The following EEF1E1 variants were observed in gnomAD, a reference collection of about 807,000 sequenced individuals.
The protein encoded by EEF1E1 is eukaryotic translation elongation factor 1 epsilon 1.
EEF1E1 carries 19 observed loss-of-function variants against 19.9 expected under a neutral mutation model. The ratio of observed to expected loss-of-function variants is 0.95; its 90% CI spans 0.66 to 1.40. The LOEUF is 1.40. Among genes scored for constraint, EEF1E1 ranks in the 40% most tolerant of loss-of-function variants. The pLI is 0.00. For missense variants in EEF1E1, 198 were observed against 202.2 expected, an observed-to-expected ratio of 0.98 and a Z score of 0.13; for synonymous variants, 81 against 80.0, an observed-to-expected ratio of 1.01 and a Z score of -0.07.
At position 8,102,418 on chromosome 6, in the gene EEF1E1, C is replaced by T. The variant is rs1195827260; in HGVS notation, c.87+17G>A. The stretch of plus-strand genomic sequence containing the variant: ...TCCCGTCCACCTCTTCCCCTCCGCG[C>T]CGCCTCTCCTTCTCACCTGTCGCTC... On this transcript the variant is annotated intron_variant, in intron 1 of 3. Coordinates refer to ENST00000379715, the MANE Select transcript of EEF1E1 (RefSeq NM_004280.5). 1 of 1,607,200 alleles carries T rather than the reference C, an allele frequency of 6.2e-7. No homozygotes were observed. The highest frequency in any genetic ancestry group is 2.3e-5 in the East Asian group (1 of 44,366).
At chr6:8,078,781 A>G (rs1198943141), downstream of EEF1E1, 10 of 1,268,174 alleles carry the variant, frequency 7.9e-6, no homozygotes, top group Non-Finnish European at 1.0e-5. Context: ...GATTGCCAAG[A>G]GCTACATACT....
At chr6:8,091,939 TA>T (rs1758021887) in intron 2 of EEF1E1, among the ~76,000 whole-genome samples, 1 of 152,210 alleles carries the variant, frequency 6.6e-6, no homozygotes, top group African/African-American at 2.4e-5. Context: ...GGGTGGCATG[TA>T]AACAAAAGAG....
chr6:8,081,520 C>T (rs144397028), intron 3 of EEF1E1, among the ~76,000 whole-genome samples: 1,589 of 152,254 alleles, frequency 0.01, 32 homozygotes, highest in African/African-American at 0.036. Flanking sequence ...TCATAGGCAG[C>T]ACTTAATCTG....
intron 1 of EEF1E1, among the ~76,000 whole-genome samples, chr6:8,099,751 A>ACACAC (rs1758274473): frequency 1.6e-4 from 15 of 92,930 alleles, no homozygotes; most frequent in Non-Finnish European, 2.4e-4. Context: ...CCGCCTCAAA[A>ACACAC]ACACACACAC....
chr6:8,099,697 A>G (rs1354438544), intron 1 of EEF1E1, among the ~76,000 whole-genome samples: 1 of 150,496 alleles, frequency 6.6e-6, no homozygotes, highest in Non-Finnish European at 1.5e-5. Context: ...CAGTGAGCCG[A>G]GATCGCACCA....
Position 8,094,736 on chromosome 6 carries a change from A to T in EEF1E1, c.288+2531T>A, listed in dbSNP as rs79681087. ...ATTGCACAGGTCCACTTAAACACAA[A>T]TTTTCTTCTACCTCTGTCACCCAAG... On this transcript the variant is annotated intron_variant, in intron 2 of 3. Coordinates refer to ENST00000379715, the MANE Select transcript of EEF1E1 (RefSeq NM_004280.5). Among the ~76,000 whole-genome samples the T allele has an allele frequency of 5.1e-4, 78 of 152,062 alleles. 1 individual carries two copies. The East Asian group carries it at 0.013, about 26-fold the overall frequency.
At chr6:8,075,533 C>A (rs1327542393), downstream of EEF1E1, among the ~76,000 whole-genome samples, 1 of 152,128 alleles carries the variant, frequency 6.6e-6, no homozygotes, top group Non-Finnish European at 1.5e-5. Context: ...ATGTCTAAAA[C>A]CACAATGTAT....
Position 8,097,470 on chromosome 6 carries a change from T to A in EEF1E1, c.88-3A>T. 1 of 1,604,686 alleles carries A rather than the reference T, an allele frequency of 6.2e-7. No individual in the cohort carries two copies. Among genetic ancestry groups the A allele is most frequent in the Admixed American group, 1.7e-5 (1 of 57,876 alleles). On this transcript the variant is annotated splice_polypyrimidine_tract_variant and splice_region_variant and intron_variant, in intron 1 of 3. Coordinates refer to ENST00000379715, the MANE Select transcript of EEF1E1 (RefSeq NM_004280.5). ...TTGTTTGTCTGAAGAACTGGAATCT[T>A]AAAAAGAAAAAAAAGTTCACAGAAT...
intron 1 of EEF1E1, chr6:8,101,840 C>T (rs1239179189): frequency 7.8e-7 from 1 of 1,288,922 alleles, no homozygotes; most frequent in Admixed American, 2.3e-5. Context: ...ACGCCTTCCC[C>T]GAATCCCCTA....
chr6:8,101,259 T>A (rs374567191), intron 1 of EEF1E1, among the ~76,000 whole-genome samples: 15,978 of 71,614 alleles, frequency 0.22, 3,413 homozygotes, highest in African/African-American at 0.26. Flanking sequence ...TATATATATA[T>A]ATATATATAT....
rs1401450070 is a variant in EEF1E1 at position 8,092,868 on chromosome 6, GC to G, written c.289-2588del. 7.4e-3 allele frequency among the ~76,000 whole-genome samples: 795 copies of G among 108,084 alleles called. 44 individuals carry two copies. The highest frequency in any genetic ancestry group is 0.018 in the African/African-American group (492 of 26,680). 70.9% of individuals were successfully genotyped at this position (108,084 alleles called of 152,430 possible). A position where few individuals can be genotyped will look rare whatever the true frequency, so the allele number is the denominator to read the frequency against. On this transcript the variant is annotated intron_variant, in intron 2 of 3. Transcript: ENST00000379715. The stretch of plus-strand genomic sequence containing the variant: ...GTTTTGTGTTTTAGTGATAAAGACT[GC>G]TTTTTTTTTTTTTTTTTTTTTTTGA...
At chr6:8,094,701 G>A (rs1435731759) in intron 2 of EEF1E1, among the ~76,000 whole-genome samples, 2 of 152,142 alleles carry the variant, frequency 1.3e-5, no homozygotes, top group East Asian at 3.9e-4. Flanking sequence ...CTTGAACAAC[G>A]CAGGTTGGAA....
intron 1 of EEF1E1, among the ~76,000 whole-genome samples, chr6:8,100,760 T>C (rs546394505): frequency 6.6e-6 from 1 of 151,942 alleles, no homozygotes; most frequent in African/African-American, 2.4e-5. Flanking sequence ...AAATCTGCTT[T>C]TCTTTACGTA....
chr6:8,090,113 A>T, intron 3 of EEF1E1, 73 bp downstream of exon 3: 1 of 1,293,908 alleles, frequency 7.7e-7, no homozygotes, highest in Non-Finnish European at 1.1e-6. Context: ...AATCTGATTT[A>T]AATTCAAGAC....
chr6:8,076,591 G>T (rs2113630051), downstream of EEF1E1, among the ~76,000 whole-genome samples: 1 of 152,244 alleles, frequency 6.6e-6, no homozygotes, highest in East Asian at 1.9e-4. Context: ...CCAAAGTGCT[G>T]GGATTACAGG....
At chr6:8,085,759 GCCAAGGCCAT>G (rs1757837365) in intron 3 of EEF1E1, among the ~76,000 whole-genome samples, 1 of 152,128 alleles carries the variant, frequency 6.6e-6, no homozygotes, top group African/African-American at 2.4e-5. Flanking sequence ...CCCTTAGACA[GCCAAGGCCAT>G]CCAAATCTTC....
At chr6:8,081,342 T>C (rs571151253) in intron 3 of EEF1E1, among the ~76,000 whole-genome samples, 1 of 152,334 alleles carries the variant, frequency 6.6e-6, no homozygotes, top group East Asian at 1.9e-4. Flanking sequence ...AGTCAGTCCA[T>C]GGCACAGAGA....
At chr6:8,101,646 A>C in intron 1 of EEF1E1, 1 of 872,994 alleles carries the variant, frequency 1.1e-6, no homozygotes, top group Non-Finnish European at 1.5e-6. Flanking sequence ...AGGAGCAAAA[A>C]AAACATATAT....
chr6:8,090,755 T>A (rs1034212694), intron 2 of EEF1E1, among the ~76,000 whole-genome samples: 9 of 152,254 alleles, frequency 5.9e-5, no homozygotes, highest in Non-Finnish European at 1.2e-4. Context: ...TCTATGAATG[T>A]GACTACTTTA....
Sources: gnomAD v4.1 joint callset for allele counts (sites outside exome capture counted in the v4.1 genomes callset) on GRCh38, gnomAD v4.1.1 for gene constraint, MANE v1.5 for transcripts, NCBI Gene and HGNC (gene_info 2026-07-23, HGNC 2026-07-21) for gene names.